The following KCNJ4 variants were observed in gnomAD, a reference collection of about 807,000 sequenced individuals.
The protein encoded by KCNJ4 is potassium inwardly rectifying channel subfamily J member 4.
Under a neutral mutation model 25.6 loss-of-function variants are expected in KCNJ4, and 3 were observed. The ratio of observed to expected loss-of-function variants is 0.12; its 90% CI spans 0.05 to 0.30. The LOEUF (loss-of-function observed/expected upper bound fraction) is 0.30, where lower values mean the gene tolerates loss of function less well. KCNJ4 is among the 10% of genes least tolerant of loss of function. KCNJ4 has a pLI of 1.00. For missense variants in KCNJ4, 286 were observed against 666.8 expected, an observed-to-expected ratio of 0.43 and a Z score of 6.29; for synonymous variants, 257 against 283.9, an observed-to-expected ratio of 0.91 and a Z score of 0.95.
chr22:38,434,540 G>C (rs1277248348), intron 1 of KCNJ4, among the ~76,000 whole-genome samples: 1 of 152,162 alleles, frequency 6.6e-6, no homozygotes, highest in Non-Finnish European at 1.5e-5. Flanking sequence ...AGCTTGAGCT[G>C]GAAATCTAAC....
At chr22:38,431,136 C>T (rs1382330648) in intron 1 of KCNJ4, among the ~76,000 whole-genome samples, 1 of 152,228 alleles carries the variant, frequency 6.6e-6, no homozygotes, top group Non-Finnish European at 1.5e-5. Flanking sequence ...GGTGGGGGGC[C>T]CTGCCCAAGG....
chr22:38,432,822 T>A (rs964653986), intron 1 of KCNJ4, among the ~76,000 whole-genome samples: 26 of 151,802 alleles, frequency 1.7e-4, no homozygotes, highest in African/African-American at 6.3e-4. Flanking sequence ...TACAAAAAAA[T>A]TAGCCGGGCA....
chr22:38,442,405 G>A (rs537523315), intron 1 of KCNJ4, among the ~76,000 whole-genome samples: 2 of 152,142 alleles, frequency 1.3e-5, no homozygotes, highest in Admixed American at 1.3e-4. Flanking sequence ...AAATTAGCCA[G>A]GCGTGGTGGC....
intron 1 of KCNJ4, among the ~76,000 whole-genome samples, chr22:38,454,322 T>C (rs1426714210): frequency 6.6e-6 from 1 of 151,766 alleles, no homozygotes; most frequent in Non-Finnish European, 1.5e-5. Flanking sequence ...CTGACACTGG[T>C]GGGGGGACAT....
At chr22:38,446,461 G>A (rs961938575) in intron 1 of KCNJ4, among the ~76,000 whole-genome samples, 1 of 152,218 alleles carries the variant, frequency 6.6e-6, no homozygotes, top group African/African-American at 2.4e-5. Flanking sequence ...AGCAGTTCTG[G>A]GGGCCTGGGT....
At chr22:38,431,270 G>C (rs1017958521) in intron 1 of KCNJ4, among the ~76,000 whole-genome samples, 1 of 152,164 alleles carries the variant, frequency 6.6e-6, no homozygotes, top group Non-Finnish European at 1.5e-5. Flanking sequence ...CACCTCTGGA[G>C]GGGCCTTGGG....
intron 1 of KCNJ4, among the ~76,000 whole-genome samples, chr22:38,438,169 G>A (rs529698519): frequency 4.0e-5 from 6 of 150,594 alleles, no homozygotes; most frequent in Non-Finnish European, 7.4e-5. Flanking sequence ...AACCTGGGAG[G>A]GGGGAGGTTG....
chr22:38,448,906 C>G (rs196090), intron 1 of KCNJ4, among the ~76,000 whole-genome samples: 2 of 152,204 alleles, frequency 1.3e-5, no homozygotes, highest in Admixed American at 6.5e-5. Context: ...CCCCTCTGCC[C>G]TGCTGGGGGC....
chr22:38,439,586 C>A (rs970268555), intron 1 of KCNJ4, among the ~76,000 whole-genome samples: 4 of 151,122 alleles, frequency 2.6e-5, no homozygotes, highest in African/African-American at 9.7e-5. Context: ...TCCATCCTGG[C>A]GAACACGGTG....
intron 1 of KCNJ4, among the ~76,000 whole-genome samples, chr22:38,448,296 G>A (rs923813858): frequency 2.0e-5 from 3 of 150,210 alleles, no homozygotes; most frequent in Admixed American, 1.3e-4. Context: ...AGCCCGGGTC[G>A]CTGGTGTGTG....
chr22:38,438,772 G>A (rs1203583915), intron 1 of KCNJ4, among the ~76,000 whole-genome samples: 7 of 152,188 alleles, frequency 4.6e-5, no homozygotes, highest in Admixed American at 4.6e-4. Flanking sequence ...CTGCAGGAAG[G>A]CCAGGTTGTG....
chr22:38,443,852 G>A lies in KCNJ4; in HGVS notation c.-40+11128C>T, dbSNP rs951144951. 5.9e-5 allele frequency among the ~76,000 whole-genome samples: 9 copies of A among 151,958 alleles called. No individual in the cohort carries two copies. The highest frequency in any genetic ancestry group is 1.9e-4 in the East Asian group (1 of 5,168). On this transcript the variant is annotated intron_variant, in intron 1 of 1. Transcript: ENST00000303592. This position sits in a 1 kb window ranked among gnomAD's most constrained non-coding sequence, Gnocchi z 4.1. ...ACATCACTCCCTGCTCAGAGCTCTC[G>A]TCTCCCCAGGGCACTCGGGATGAAC...
At position 38,451,892 on chromosome 22, in the gene KCNJ4, C is replaced by T. The variant is rs142103966; in HGVS notation, c.-40+3088G>A. Among the ~76,000 whole-genome samples the T allele has an allele frequency of 3.0e-4, 45 of 152,336 alleles. No homozygotes were observed. The East Asian group carries it at 7.3e-3, about 25-fold the overall frequency. On this transcript the variant is annotated intron_variant, in intron 1 of 1. Coordinates refer to ENST00000303592, the MANE Select transcript of KCNJ4 (RefSeq NM_152868.3). ...GGCATCAGACCAGTGATTTAAGCTC[C>T]AAACCTTCTGTCTGAATCCAGGCAC...
rs545772228 is a variant in KCNJ4 at position 38,443,541 on chromosome 22, C to G, written c.-40+11439G>C. The stretch of plus-strand genomic sequence containing the variant: ...AGGCCTGACACCTAGGCATCATCCT[C>G]CAGCCCTCCCTAAGCCCAACCGCAA... On this transcript the variant is annotated intron_variant, in intron 1 of 1. Coordinates refer to ENST00000303592, the MANE Select transcript of KCNJ4 (RefSeq NM_152868.3). The surrounding 1 kb of genome is among the most constrained non-coding windows in gnomAD (Gnocchi z 4.1). 6.6e-6 allele frequency among the ~76,000 whole-genome samples: 1 copy of G among 152,332 alleles called. No homozygotes were observed. The highest frequency in any genetic ancestry group is 2.4e-5 in the African/African-American group (1 of 41,580).
At chr22:38,453,122 ATCT>A (rs2025637415) in intron 1 of KCNJ4, among the ~76,000 whole-genome samples, 1 of 151,224 alleles carries the variant, frequency 6.6e-6, no homozygotes, top group Non-Finnish European at 1.5e-5. Context: ...AAGCTAAGAC[ATCT>A]TCTCACAGCA....
chr22:38,434,488 T>C lies in KCNJ4; in HGVS notation c.-39-6317A>G, dbSNP rs532595412. Among the ~76,000 whole-genome samples the C allele has an allele frequency of 3.3e-5, 5 of 152,280 alleles. No individual in the cohort carries two copies. The East Asian group carries it at 5.8e-4, about 18-fold the overall frequency. ...TTATTTCTCCTCCCCAGCTGAAGAA[T>C]TGCAGGCTACAGAGATGCCGGGGGG... On this transcript the variant is annotated intron_variant, in intron 1 of 1. Transcript: ENST00000303592.
chr22:38,436,706 T>C (rs970943728), intron 1 of KCNJ4, among the ~76,000 whole-genome samples: 1 of 152,154 alleles, frequency 6.6e-6, no homozygotes, highest in African/African-American at 2.4e-5. Context: ...TGAGCACGCA[T>C]TTACTCAGTA....
At chr22:38,435,122 AC>A (rs1374583614) in intron 1 of KCNJ4, among the ~76,000 whole-genome samples, 1 of 152,150 alleles carries the variant, frequency 6.6e-6, no homozygotes, top group African/African-American at 2.4e-5. Context: ...AGATGGGGAG[AC>A]CATCATGGCT....
chr22:38,448,059 C>CAAAAAAAAAA (rs11422111), intron 1 of KCNJ4, among the ~76,000 whole-genome samples: 1 of 104,362 alleles, frequency 9.6e-6, no homozygotes, highest in Admixed American at 1.1e-4. Context: ...GTGAGACTCT[C>CAAAAAAAAAA]AAAAAAAAAA....
Sources: gnomAD v4.1 joint callset for allele counts (sites outside exome capture counted in the v4.1 genomes callset) on GRCh38, gnomAD v4.1.1 for gene constraint, Gnocchi (gnomAD v3.1) non-coding constraint, MANE v1.5 for transcripts, NCBI Gene and HGNC (gene_info 2026-07-23, HGNC 2026-07-21) for gene names.